The following PCDHGB1 variants were observed in gnomAD, a reference collection of about 807,000 sequenced individuals.
The protein encoded by PCDHGB1 is protocadherin gamma subfamily B, 1.
In PCDHGB1, 34 loss-of-function variants were observed where a neutral mutation model predicts 56.6. The ratio of observed to expected loss-of-function variants is 0.60; its 90% CI spans 0.46 to 0.80. PCDHGB1 has a LOEUF of 0.80. Among genes scored for constraint, PCDHGB1 ranks in the 30% least tolerant of loss-of-function variants. The probability of loss-of-function intolerance (pLI) is 0.00; values close to 1 mark genes in which losing one functional copy is unlikely to be tolerated. For missense variants in PCDHGB1, 1,278 were observed against 1,204.6 expected, an observed-to-expected ratio of 1.06 and a Z score of -0.90; for synonymous variants, 561 against 505.9, an observed-to-expected ratio of 1.11 and a Z score of -1.46.
At chr5:141,398,254 A>C (rs868152545) in intron 1 of PCDHGB1, 1 of 1,465,852 alleles carries the variant, frequency 6.8e-7, no homozygotes, top group East Asian at 2.5e-5. Context: ...GGAAATGCCC[A>C]AGGGCTCCGT....
chr5:141,418,273 A>G (rs1440274831), intron 1 of PCDHGB1: 2 of 1,614,082 alleles, frequency 1.2e-6, no homozygotes, highest in Non-Finnish European at 8.5e-7. Flanking sequence ...AAGATGAAAT[A>G]AACTTAGAAA....
intron 1 of PCDHGB1, chr5:141,418,495 G>T (rs745982190): frequency 6.2e-7 from 1 of 1,613,974 alleles, no homozygotes; most frequent in South Asian, 1.1e-5. Context: ...ACTTGGTACT[G>T]ACCGCCTTAG....
intron 1 of PCDHGB1, chr5:141,395,290 T>A: frequency 6.5e-7 from 1 of 1,529,840 alleles, no homozygotes; most frequent in Non-Finnish European, 8.8e-7. Flanking sequence ...TTATTTGGCA[T>A]AAATTATGTT....
chr5:141,460,614 G>A (rs10058360), intron 1 of PCDHGB1, among the ~76,000 whole-genome samples: 42,418 of 151,914 alleles, frequency 0.28, 6,648 homozygotes, highest in African/African-American at 0.43. Flanking sequence ...TAGATGGATA[G>A]ATAGACAGAT....
At chr5:141,410,914 C>T (rs1399369063) in intron 1 of PCDHGB1, 4 of 246,122 alleles carry the variant, frequency 1.6e-5, no homozygotes, top group Admixed American at 6.8e-5. Context: ...AGTGCAGTGG[C>T]GTGATCTCTG....
In PCDHGB1 at chr5:141,432,596, G is replaced by T; in HGVS notation, c.2410-62211G>T. On this transcript the variant is annotated intron_variant, in intron 1 of 3. Transcript: ENST00000523390. This position sits in a 1 kb window ranked among gnomAD's most constrained non-coding sequence, Gnocchi z 6.0. The stretch of plus-strand genomic sequence containing the variant: ...GTCCTACCGTCTGCTCAAGGCCAGC[G>T]AGCCGGGACTCTTCTCGGTGGGTCT... 6.8e-6 allele frequency: 11 copies of T among 1,613,926 alleles called. No individual in the cohort carries two copies. The highest frequency in any genetic ancestry group is 9.3e-6 in the Non-Finnish European group (11 of 1,179,972).
chr5:141,510,847 AG>A, intron 3 of PCDHGB1, 99 bp from the exon 4 acceptor site: 3 of 1,595,350 alleles, frequency 1.9e-6, no homozygotes, highest in Non-Finnish European at 2.6e-6. Context: ...GTCAAGGCCC[AG>A]GGTGCTGTAT....
Position 141,412,876 on chromosome 5 carries a change from A to G in PCDHGB1, c.2409+60207A>G, listed in dbSNP as rs1206092699. 12 of 281,096 alleles carry G rather than the reference A, an allele frequency of 4.3e-5. No homozygotes were observed. The East Asian group carries it at 7.9e-4, about 19-fold the overall frequency. The allele number at this position is 281,096 out of a possible 1,614,324, so 17.4% of individuals were successfully genotyped here. A position where few individuals can be genotyped will look rare whatever the true frequency, so the allele number is the denominator to read the frequency against. On this transcript the variant is annotated intron_variant, in intron 1 of 3. Coordinates refer to ENST00000523390, the MANE Select transcript of PCDHGB1 (RefSeq NM_018922.3). ...CAAAGAATCTATGTAAAATATAATAATCCAACAGAATAGTTTACTTTCCAT... is the reference window on the plus strand; with the variant it reads ...CAAAGAATCTATGTAAAATATAATAGTCCAACAGAATAGTTTACTTTCCAT...
intron 1 of PCDHGB1, chr5:141,405,281 G>A (rs1001215863): frequency 1.2e-6 from 2 of 1,614,158 alleles, no homozygotes; most frequent in Non-Finnish European, 1.7e-6. Flanking sequence ...CAACTATGCA[G>A]ACACACTCAT....
At chr5:141,403,594 C>A in intron 1 of PCDHGB1, 2 of 1,613,848 alleles carry the variant, frequency 1.2e-6, no homozygotes, top group Non-Finnish European at 1.7e-6. Context: ...TCCTCACGGC[C>A]TCGGATGGCG....
intron 1 of PCDHGB1, chr5:141,398,763 G>C (rs767181565): frequency 3.7e-6 from 6 of 1,613,788 alleles, no homozygotes; most frequent in Non-Finnish European, 5.1e-6. Flanking sequence ...GTTTAGTCCT[G>C]ACTGCCTTGG....
At chr5:141,383,426 G>A (rs72790024) in intron 1 of PCDHGB1, 89,880 of 1,613,866 alleles carry the variant, frequency 0.056, 3,017 homozygotes, top group African/African-American at 0.15. Context: ...AGCCCCAATC[G>A]CCACTTCTCC....
At chr5:141,403,758 T>G in intron 1 of PCDHGB1, 1 of 1,613,922 alleles carries the variant, frequency 6.2e-7, no homozygotes, top group Non-Finnish European at 8.5e-7. Context: ...GCCAGCGACC[T>G]GGATGAGGGA....
At chr5:141,443,498 C>G (rs1217918256) in intron 1 of PCDHGB1, among the ~76,000 whole-genome samples, 3 of 152,036 alleles carry the variant, frequency 2.0e-5, no homozygotes, top group Non-Finnish European at 4.4e-5. Context: ...AACAAACAAA[C>G]AAATAAAGAG....
At chr5:141,394,568 C>T (rs373695437) in intron 1 of PCDHGB1, 2 of 1,614,072 alleles carry the variant, frequency 1.2e-6, no homozygotes, top group African/African-American at 2.7e-5. Context: ...CAGAGCGTGG[C>T]TACCTGGTGA....
chr5:141,471,926 G>A (rs2099266798), intron 1 of PCDHGB1, among the ~76,000 whole-genome samples: 2 of 152,110 alleles, frequency 1.3e-5, no homozygotes. Flanking sequence ...AATTTTGGGG[G>A]TGATGAGAGT....
intron 1 of PCDHGB1, chr5:141,372,185 C>T: frequency 6.2e-7 from 1 of 1,613,630 alleles, no homozygotes; most frequent in Non-Finnish European, 8.5e-7. Context: ...TGGACGCAGA[C>T]TCGGGATACA....
rs759191157 is a variant in PCDHGB1, at chr5:141,485,768, C to T, written c.2410-9039C>T. Reference sequence around the variant, plus strand: ...GGTCCCAGAGCTGCTCCTGGAGAAGCCTTTGGATCGAGAGAAGCAATCGGA... The same window carrying T: ...GGTCCCAGAGCTGCTCCTGGAGAAGTCTTTGGATCGAGAGAAGCAATCGGA... On this transcript the variant is annotated intron_variant, in intron 1 of 3. Transcript: ENST00000523390. This position sits in a 1 kb window ranked among gnomAD's most constrained non-coding sequence, Gnocchi z 5.7. The T allele has an allele frequency of 5.6e-6, 9 of 1,614,074 alleles. No individual in the cohort carries two copies. The highest frequency in any genetic ancestry group is 1.7e-5 in the Admixed American group (1 of 60,000).
At position 141,477,761 on chromosome 5, in the gene PCDHGB1, AC is replaced by A. The variant is rs754006143; in HGVS notation, c.2410-17044del. ...CGATGGGGGCACCCCGGTCCTAGCC[AC>A]CAACATCAGCGTGAACATATTTGTC... On this transcript the variant is annotated intron_variant, in intron 1 of 3. Coordinates refer to ENST00000523390, the MANE Select transcript of PCDHGB1 (RefSeq NM_018922.3). This position sits in a 1 kb window ranked among gnomAD's most constrained non-coding sequence, Gnocchi z 4.9. 5 of 1,613,854 alleles carry A rather than the reference AC, an allele frequency of 3.1e-6. No homozygotes were observed. Among genetic ancestry groups the A allele is most frequent in the Non-Finnish European group, 4.2e-6 (5 of 1,180,044 alleles).
Sources: gnomAD v4.1 joint callset for allele counts (sites outside exome capture counted in the v4.1 genomes callset) on GRCh38, gnomAD v4.1.1 for gene constraint, Gnocchi (gnomAD v3.1) non-coding constraint, MANE v1.5 for transcripts, NCBI Gene and HGNC (gene_info 2026-07-23, HGNC 2026-07-21) for gene names.